The following HPSE variants were observed in gnomAD, a reference collection of about 807,000 sequenced individuals.
The protein encoded by HPSE is endo-glucoronidase.
In HPSE, 48 loss-of-function variants were observed where a neutral mutation model predicts 65.1. The ratio of observed to expected loss-of-function variants is 0.74; its 90% CI spans 0.58 to 0.94. HPSE has a LOEUF of 0.94. Among genes scored for constraint, HPSE ranks in the 40% least tolerant of loss-of-function variants. The pLI is 0.00. For synonymous variants in HPSE, 243 were observed against 260.0 expected, an observed-to-expected ratio of 0.93 and a Z score of 0.63; for missense variants, 644 against 637.5, an observed-to-expected ratio of 1.01 and a Z score of -0.11.
chr4:83,315,373 G>T (rs1484324693), intron 3 of HPSE, among the ~76,000 whole-genome samples: 1 of 152,098 alleles, frequency 6.6e-6, no homozygotes, highest in African/African-American at 2.4e-5. Flanking sequence ...ACAGTTTAAG[G>T]CAGTATGGAG....
Position 83,309,403 on chromosome 4 carries a change from T to A in HPSE, c.983A>T (p.Gln328Leu), listed in dbSNP as rs1239982808. Residue 328 changes from glutamine (Q) to leucine (L), a missense_variant and splice_region_variant, in exon 7 of 12, where the codon CAG becomes CTG. By Grantham distance (113) the Gln-to-Leu change is moderately radical (BLOSUM62 -2). Transcript: ENST00000311412. Reference protein sequence around the residue: ...IFISSVQKVFQVVESTRPGKK... With the variant: ...IFISSVQKVFLVVESTRPGKK... ...TAAAAAGTTTAAAAAGACTATTACC[T>A]GGAAAACTTTTTGCACAGATGAAAT... is the stretch of plus-strand genomic sequence containing the variant. The A allele has an allele frequency of 6.6e-7, 1 of 1,521,898 alleles. No individual in the cohort carries two copies. The highest frequency in any genetic ancestry group is 9.0e-7 in the Non-Finnish European group (1 of 1,110,160). 94.3% of individuals were successfully genotyped at this position (1,521,898 alleles called of 1,614,324 possible).
Position 83,309,483 on chromosome 4 carries a change from A to G in HPSE, c.903T>C (p.Asn301=). Residue 301 remains asparagine, a synonymous_variant, in exon 7 of 12, where the codon AAT becomes AAC. Transcript: ENST00000311412. ...DSVTWHHYYL[N]GRTATKEDFL... Reference sequence around the variant, plus strand: ...AATCTTCCTTGGTAGCAGTCCGTCCATTCAAATAGTAGCTAAATTACACAG... The same window carrying G: ...AATCTTCCTTGGTAGCAGTCCGTCCGTTCAAATAGTAGCTAAATTACACAG... The G allele has an allele frequency of 6.6e-7, 1 of 1,509,394 alleles. No individual in the cohort carries two copies. Among genetic ancestry groups the G allele is most frequent in the Non-Finnish European group, 9.1e-7 (1 of 1,094,882 alleles). The allele number at this position is 1,509,394 out of a possible 1,614,324, so 93.5% of individuals were successfully genotyped here.
intron 9 of HPSE, among the ~76,000 whole-genome samples, chr4:83,303,874 T>C (rs1013362466): frequency 6.6e-6 from 1 of 152,218 alleles, no homozygotes; most frequent in Non-Finnish European, 1.5e-5. Flanking sequence ...GAAATTTGCT[T>C]CAAAGTAATC....
intron 3 of HPSE, among the ~76,000 whole-genome samples, chr4:83,318,133 A>G (rs1736725115): frequency 6.6e-6 from 1 of 152,214 alleles, no homozygotes; most frequent in Non-Finnish European, 1.5e-5. Context: ...TACAAAGATA[A>G]TTAATTAAAA....
chr4:83,325,994 G>A (rs377382753), intron 1 of HPSE, among the ~76,000 whole-genome samples: 2 of 152,102 alleles, frequency 1.3e-5, no homozygotes, highest in Non-Finnish European at 2.9e-5. Flanking sequence ...GCCACATCAC[G>A]GAGGGCCCCG....
intron 8 of HPSE, among the ~76,000 whole-genome samples, chr4:83,307,908 A>G (rs1736205144): frequency 6.6e-6 from 1 of 152,226 alleles, no homozygotes. Context: ...TAACTAAACC[A>G]GTATTTTAAA....
rs1736487435 is a variant in HPSE at position 83,313,220 on chromosome 4, A to G, written c.567T>C (p.Asn189=). Residue 189 remains asparagine (N), a synonymous_variant, in exon 4 of 12, where the codon AAT becomes AAC. Coordinates refer to ENST00000311412, the MANE Select transcript of HPSE (RefSeq NM_001098540.3). The part of the protein sequence containing the change: ...CSGLDLIFGL[N]ALLRTADLQW... Reference sequence around the variant, plus strand: ...GCAAATCTGCTGTTCTTAATAACGCATTTAGGCCAAAGATCAAGTCCAGTC... The same window carrying G: ...GCAAATCTGCTGTTCTTAATAACGCGTTTAGGCCAAAGATCAAGTCCAGTC... 6.2e-7 allele frequency: 1 copy of G among 1,613,946 alleles called. No homozygotes were observed. Among genetic ancestry groups the G allele is most frequent in the Admixed American group, 1.7e-5 (1 of 59,974 alleles).
At chr4:83,295,597 AT>A (rs913706901) in intron 11 of HPSE, 94 bp from the exon 12 acceptor site, 355 of 1,074,680 alleles carry the variant, frequency 3.3e-4, no homozygotes, top group South Asian at 6.2e-4. Context: ...GACCAAATAA[AT>A]TTTTTTTTGT....
chr4:83,313,031 AAAAAAAAAAAG>A lies in HPSE; in HGVS notation c.673+72_673+82del, dbSNP rs1336830102. 1.7e-4 allele frequency: 174 copies of A among 1,024,606 alleles called. 1 individual carries two copies. In the East Asian group the frequency reaches 3.1e-3, roughly 18 times the overall value. 63.5% of individuals were successfully genotyped at this position (1,024,606 alleles called of 1,614,324 possible). A position where few individuals can be genotyped will look rare whatever the true frequency, so the allele number is the denominator to read the frequency against. ...TGCGAGACTCTGTCTCAAAAAAAAA[AAAAAAAAAAAG>A]AAAAAGAAAAGAAAAGAAATAATGC... On this transcript the variant is annotated intron_variant, in intron 4 of 11. Transcript: ENST00000311412.
chr4:83,311,585 C>T (rs558211179), intron 4 of HPSE, among the ~76,000 whole-genome samples: 2 of 152,078 alleles, frequency 1.3e-5, no homozygotes, highest in South Asian at 4.2e-4. Flanking sequence ...AGGAGGATTA[C>T]TTGAGGCCAG....
rs1165617688 is a variant in HPSE at position 83,293,789 on chromosome 4, A to G, written c.*1555T>C. The stretch of plus-strand genomic sequence containing the variant: ...CATATCTAACAATCTGTCCTCTCAC[A>G]TATTATTGCTGACAAAGAAAACCGA... On this transcript the variant is annotated 3_prime_UTR_variant, in exon 12 of 12. Transcript: ENST00000311412. 2.0e-5 allele frequency: 3 copies of G among 152,188 alleles called. No individual in the cohort carries two copies. The highest frequency in any genetic ancestry group is 4.1e-4 in the South Asian group (2 of 4,828). 9.4% of individuals were successfully genotyped at this position (152,188 alleles called of 1,614,324 possible).
chr4:83,313,041 A>AAT, intron 4 of HPSE, 73 bp downstream of exon 4: 4 of 983,446 alleles, frequency 4.1e-6, no homozygotes, highest in Non-Finnish European at 5.9e-6. Flanking sequence ...AAAAAAAAAA[A>AAT]GAAAAAGAAA....
At position 83,326,325 on chromosome 4, in the gene HPSE, G is replaced by T. The variant is rs561839390; in HGVS notation, c.228-3961C>A. Reference sequence around the variant, plus strand: ...TCCACCTGCCTCAGCCTCCCAAAGTGCTGGGATTATAGGCATGAGCTATTG... The same window carrying T: ...TCCACCTGCCTCAGCCTCCCAAAGTTCTGGGATTATAGGCATGAGCTATTG... On this transcript the variant is annotated intron_variant, in intron 1 of 11. Coordinates refer to ENST00000311412, the MANE Select transcript of HPSE (RefSeq NM_001098540.3). The surrounding 1 kb of genome is among the most constrained non-coding windows in gnomAD (Gnocchi z 4.2). Among the ~76,000 whole-genome samples the T allele has an allele frequency of 7.9e-5, 12 of 152,306 alleles. No individual in the cohort carries two copies. In the South Asian group the frequency reaches 2.5e-3, roughly 32 times the overall value.
In HPSE at chr4:83,309,479, G is replaced by A. The variant is rs535350287; in HGVS notation, c.907C>T (p.Arg303Trp). ...AGAAAATCTTCCTTGGTAGCAGTCC[G>A]TCCATTCAAATAGTAGCTAAATTAC... is the stretch of plus-strand genomic sequence containing the variant. ...VTWHHYYLNG[R>W]TATKEDFLNP... The change falls in exon 7 of 12, where the codon CGG (arginine) becomes TGG (tryptophan). Residue 303 changes from arginine to tryptophan, a missense_variant. By Grantham distance (101) the Arg-to-Trp change is moderately radical. Transcript: ENST00000311412. The A allele has an allele frequency of 6.8e-5, 105 of 1,543,224 alleles. 2 individuals carry two copies. In the South Asian group the frequency reaches 7.0e-4, roughly 10 times the overall value.
intron 1 of HPSE, among the ~76,000 whole-genome samples, chr4:83,328,191 C>T (rs1410842510): frequency 6.6e-6 from 1 of 152,208 alleles, no homozygotes; most frequent in Non-Finnish European, 1.5e-5. Flanking sequence ...AATGTATTGT[C>T]TTACAGTTTT....
chr4:83,323,356 C>A (rs769823630), intron 1 of HPSE, among the ~76,000 whole-genome samples: 6 of 152,102 alleles, frequency 3.9e-5, no homozygotes, highest in Non-Finnish European at 8.8e-5. Flanking sequence ...GTAGGTTCAT[C>A]AACTAGAACA....
intron 1 of HPSE, among the ~76,000 whole-genome samples, chr4:83,333,536 TGTG>T (rs573156452): frequency 5.1e-4 from 77 of 152,322 alleles, no homozygotes; most frequent in Non-Finnish European, 6.8e-4. Flanking sequence ...CTGGTCAAGA[TGTG>T]GCCATCTCTG....
chr4:83,324,020 C>G (rs1304388042), intron 1 of HPSE, among the ~76,000 whole-genome samples: 1 of 151,244 alleles, frequency 6.6e-6, no homozygotes. Flanking sequence ...GCTAGCAACT[C>G]TTGGAATGGC....
chr4:83,299,859 C>T (rs1735875250), intron 11 of HPSE, among the ~76,000 whole-genome samples: 1 of 152,058 alleles, frequency 6.6e-6, no homozygotes. Context: ...CATGCACCAC[C>T]ACGCCTGGCT....
Sources: allele counts gnomAD v4.1 joint callset (sites outside exome capture counted in the v4.1 genomes callset), GRCh38; gene constraint gnomAD v4.1.1; non-coding constraint Gnocchi (gnomAD v3.1); transcripts MANE v1.5; gene names NCBI Gene and HGNC (gene_info 2026-07-23, HGNC 2026-07-21).